The following PEX5L variants were observed in gnomAD, a reference collection of about 807,000 sequenced individuals.
PEX5L encodes the protein peroxisomal biogenesis factor 5 like, also known as PEX5-related protein.
A neutral mutation model predicts 84.0 loss-of-function variants in PEX5L; 30 were observed. That is an observed-to-expected ratio of 0.36 (90% CI 0.27 to 0.48). The LOEUF (loss-of-function observed/expected upper bound fraction) is 0.48. Among genes scored for constraint, PEX5L ranks in the 20% least tolerant of loss-of-function variants. The pLI, the probability that PEX5L is intolerant of heterozygous loss-of-function variation, is 0.99. For synonymous variants in PEX5L, 270 were observed against 283.1 expected (o/e 0.95, Z 0.46); for missense variants, 533 against 754.6 (o/e 0.71, Z 3.44).
intron 3 of PEX5L, among the ~76,000 whole-genome samples, chr3:179,888,597 G>T (rs906170325): frequency 3.3e-5 from 5 of 151,042 alleles, no homozygotes; most frequent in African/African-American, 1.2e-4. Flanking sequence ...TACGGTTAAG[G>T]GAGAAAACAC....
intron 3 of PEX5L, chr3:179,888,251 C>T (rs1360549855): frequency 1.5e-5 from 13 of 886,764 alleles, no homozygotes; most frequent in Non-Finnish European, 2.1e-5. Context: ...TGGATAAATG[C>T]CTGCCTCGTC....
intron 2 of PEX5L, among the ~76,000 whole-genome samples, chr3:179,953,434 G>A (rs1026622906): frequency 8.6e-5 from 13 of 152,038 alleles, no homozygotes; most frequent in East Asian, 3.8e-4. Flanking sequence ...AAAAGTGGGC[G>A]AAGGATATGA....
chr3:179,993,368 C>G (rs191441184), intron 1 of PEX5L, among the ~76,000 whole-genome samples: 1 of 152,120 alleles, frequency 6.6e-6, no homozygotes, highest in Non-Finnish European at 1.5e-5. Context: ...GTACAATTGT[C>G]CCTTGGTATC....
chr3:179,832,178 A>G (rs1463275911), intron 8 of PEX5L, among the ~76,000 whole-genome samples: 1 of 152,044 alleles, frequency 6.6e-6, no homozygotes, highest in Non-Finnish European at 1.5e-5. Context: ...GATCTTTAAT[A>G]GAATCCATAG....
intron 1 of PEX5L, chr3:179,973,908 C>A (rs777239997): frequency 1.3e-5 from 13 of 985,358 alleles, no homozygotes; most frequent in Non-Finnish European, 1.6e-5. Context: ...GTACACAAAG[C>A]TGGAGCCTTA....
At chr3:179,856,731 T>TGGGCACCATTTCCCTTCATTCCGTAGGGA (rs1744120362) in intron 8 of PEX5L, among the ~76,000 whole-genome samples, 2 of 152,220 alleles carry the variant, frequency 1.3e-5, no homozygotes, top group African/African-American at 4.8e-5. Flanking sequence ...CACCTTCTGG[T>TGGGCACCATTTCCCTTCATTCCGTAGGGA]GGGCACCATT....
chr3:179,887,767 T>A lies in PEX5L; in HGVS notation c.216A>T (p.Gln72His). Residue 72 changes from glutamine (Q) to histidine (H), a missense_variant, in exon 4 of 15, where the codon CAA (glutamine) becomes CAT (histidine). Around this residue, in one of 8 missense-constraint regions of PEX5L, gnomAD observed 259 missense variants for 301.7 expected, o/e 0.86. Coordinates refer to ENST00000467460, the MANE Select transcript of PEX5L (RefSeq NM_016559.3). ...AGGGACTCAGGAGGGGTCTGCTTTC[T>A]TGTTGCTCATTCACCAGCTGAGAAC... is the stretch of plus-strand genomic sequence containing the variant. ...TMTSQLVNEQ[Q>H]ESRPLLSPSI... 6.2e-7 allele frequency: 1 copy of A among 1,613,372 alleles called. No homozygotes were observed. Among genetic ancestry groups the A allele is most frequent in the Non-Finnish European group, 8.5e-7 (1 of 1,179,308 alleles).
chr3:179,909,387 C>T lies in PEX5L; in HGVS notation c.94-11141G>A, dbSNP rs76012604. 2.6e-4 allele frequency among the ~76,000 whole-genome samples: 39 copies of T among 152,152 alleles called. 1 individual carries two copies. The highest frequency in any genetic ancestry group is 9.2e-4 in the African/African-American group (38 of 41,498). On this transcript the variant is annotated intron_variant, in intron 2 of 14. Coordinates refer to ENST00000467460, the MANE Select transcript of PEX5L (RefSeq NM_016559.3). ...AAATAATGAATGTACAGAGAAAATG[C>T]GTTATCCATGAGCAAATTAAGAGGA...
chr3:179,822,486 T>C (rs1398340577), intron 8 of PEX5L, among the ~76,000 whole-genome samples: 1 of 152,178 alleles, frequency 6.6e-6, no homozygotes, highest in East Asian at 1.9e-4. Flanking sequence ...TGCTGACTAA[T>C]TAAAGTGCAG....
intron 8 of PEX5L, among the ~76,000 whole-genome samples, chr3:179,855,946 G>A (rs1372002292): frequency 6.6e-6 from 1 of 152,164 alleles, no homozygotes; most frequent in East Asian, 1.9e-4. Flanking sequence ...CAGCTCAAAT[G>A]GACTAAGACA....
chr3:179,809,389 G>T, intron 12 of PEX5L, 82 bp downstream of exon 12: 1 of 997,188 alleles, frequency 1.0e-6, no homozygotes, highest in Non-Finnish European at 1.6e-6. Flanking sequence ...TGTCTAGGGT[G>T]TGAGGCTCAT....
At chr3:179,933,127 C>T (rs752066657) in intron 2 of PEX5L, among the ~76,000 whole-genome samples, 1 of 152,166 alleles carries the variant, frequency 6.6e-6, no homozygotes, top group African/African-American at 2.4e-5. Flanking sequence ...TTTCTGCACC[C>T]GGCCTATTTC....
chr3:180,036,793 C>T lies in PEX5L; in HGVS notation c.-194G>A, dbSNP rs1791947832. 9 of 608,702 alleles carry T rather than the reference C, an allele frequency of 1.5e-5. No individual in the cohort carries two copies. In the South Asian group the frequency reaches 1.7e-4, roughly 12 times the overall value. 37.7% of individuals were successfully genotyped at this position (608,702 alleles called of 1,614,324 possible). A position where few individuals can be genotyped will look rare whatever the true frequency, so the allele number is the denominator to read the frequency against. ...CTGCGGGCTGCCGGGAACTGTTCTC[C>T]GCTCGGGGTGCTGAAAGCGGACGCG... On this transcript the variant is annotated 5_prime_UTR_variant, in exon 1 of 15. Coordinates refer to ENST00000467460, the MANE Select transcript of PEX5L (RefSeq NM_016559.3).
At chr3:179,904,738 G>T (rs368300853) in intron 2 of PEX5L, among the ~76,000 whole-genome samples, 9 of 152,248 alleles carry the variant, frequency 5.9e-5, no homozygotes, top group African/African-American at 2.2e-4. Context: ...ATTTTCGTGG[G>T]TGCTTAACAG....
At chr3:179,998,783 A>G (rs1788123638) in intron 1 of PEX5L, among the ~76,000 whole-genome samples, 1 of 152,226 alleles carries the variant, frequency 6.6e-6, no homozygotes, top group Admixed American at 6.5e-5. Flanking sequence ...AATAAGTTAC[A>G]TGAAGAAGTG....
chr3:179,878,522 A>G (rs1298595618), intron 5 of PEX5L, among the ~76,000 whole-genome samples: 6 of 152,296 alleles, frequency 3.9e-5, no homozygotes, highest in Middle Eastern at 3.4e-3. Flanking sequence ...TTCTCTCACT[A>G]TTCTACCATC....
chr3:179,895,441 T>C (rs1030129394), intron 3 of PEX5L, among the ~76,000 whole-genome samples: 1 of 152,122 alleles, frequency 6.6e-6, no homozygotes, highest in Non-Finnish European at 1.5e-5. Context: ...CAACACATGC[T>C]TTTTTACATA....
chr3:179,867,428 G>T (rs1279539058), intron 7 of PEX5L, among the ~76,000 whole-genome samples: 2 of 152,030 alleles, frequency 1.3e-5, no homozygotes, highest in African/African-American at 2.4e-5. Flanking sequence ...CTACTGTGCT[G>T]GAAGTGGTCT....
At chr3:179,963,715 G>A (rs1782643558) in intron 2 of PEX5L, among the ~76,000 whole-genome samples, 2 of 152,206 alleles carry the variant, frequency 1.3e-5, no homozygotes, top group South Asian at 4.1e-4. Flanking sequence ...TGGTGACACT[G>A]AGCCCATTTC....
Sources: allele counts gnomAD v4.1 joint callset (sites outside exome capture counted in the v4.1 genomes callset), GRCh38; gene constraint gnomAD v4.1.1; regional missense constraint gnomAD v4.1.1; transcripts MANE v1.5; gene names NCBI Gene and HGNC (gene_info 2026-07-23, HGNC 2026-07-21).